Variants in ACLY observed in about 807,000 individuals in gnomAD.
ACLY encodes the protein ATP-citrate synthase.
Under a neutral mutation model 133.0 loss-of-function variants are expected in ACLY, and 41 were observed. The ratio of observed to expected loss-of-function variants is 0.31; its 90% CI spans 0.24 to 0.40. The LOEUF is 0.40. Ranked by LOEUF, ACLY falls within the 10% of genes least tolerant of loss-of-function variation. The pLI is 1.00. For synonymous variants in ACLY, 495 were observed against 549.3 expected, an observed-to-expected ratio of 0.90 and a Z score of 1.38; for missense variants, 1,046 against 1,453.8, an observed-to-expected ratio of 0.72 and a Z score of 4.56.
At chr17:41,876,412 G>GTA (rs1321377494) in intron 22 of ACLY, among the ~76,000 whole-genome samples, 4 of 152,256 alleles carry the variant, frequency 2.6e-5, no homozygotes, top group Non-Finnish European at 4.4e-5. Context: ...TCTGGGAGGT[G>GTA]TACCCAACAG....
chr17:41,892,130 A>G, intron 16 of ACLY, 149 bp downstream of exon 16: 1 of 749,998 alleles, frequency 1.3e-6, no homozygotes, highest in East Asian at 3.0e-5. Context: ...CTACTCCCAA[A>G]TCCCCAGCCC....
At chr17:41,878,619 A>C (rs2048823848) in intron 21 of ACLY, among the ~76,000 whole-genome samples, 178 bp downstream of exon 21, 1 of 152,158 alleles carries the variant, frequency 6.6e-6, no homozygotes, top group Admixed American at 6.5e-5. Context: ...CTGCCTCCAC[A>C]AACTAAATAA....
intron 18 of ACLY, 34 bp from the exon 19 acceptor site, chr17:41,884,308 C>G: frequency 7.1e-7 from 1 of 1,403,034 alleles, no homozygotes; most frequent in South Asian, 1.2e-5. Context: ...GATACAGGAT[C>G]AGGAGGAGGC....
At chr17:41,872,408 C>T (rs1298707326) in intron 23 of ACLY, among the ~76,000 whole-genome samples, 2 of 152,184 alleles carry the variant, frequency 1.3e-5, no homozygotes, top group Non-Finnish European at 2.9e-5. Context: ...TCACTGCAAC[C>T]TCCACCTCCT....
chr17:41,921,991 T>A (rs1225103009), upstream of ACLY, among the ~76,000 whole-genome samples: 2 of 150,770 alleles, frequency 1.3e-5, no homozygotes, highest in African/African-American at 4.9e-5. Context: ...AGGCCAGGAG[T>A]TCGAGACCAG....
chr17:41,907,423 C>T lies in ACLY; in HGVS notation c.747+19G>A. On this transcript the variant is annotated intron_variant, in intron 7 of 28. Coordinates refer to ENST00000352035, the MANE Select transcript of ACLY (RefSeq NM_001096.3). ...CCGCCCTCCCCCCAGTCCCCATCTC[C>T]TCTCTAAACCAGCCTTACCTCTGGA... 6.2e-7 allele frequency: 1 copy of T among 1,609,720 alleles called. No homozygotes were observed.
upstream of ACLY, among the ~76,000 whole-genome samples, chr17:41,920,586 A>G (rs2050165854): frequency 1.1e-5 from 1 of 92,668 alleles, no homozygotes; most frequent in South Asian, 4.8e-4. Flanking sequence ...GAAGGATTCT[A>G]TCTCAAAAAA....
rs2048608797 is a variant in ACLY, at chr17:41,871,953, A to G, written c.2793+79T>C. On this transcript the variant is annotated intron_variant, in intron 24 of 28. Coordinates refer to ENST00000352035, the MANE Select transcript of ACLY (RefSeq NM_001096.3). ...GGTTTTACACTCAGGGGCTCCTTCT[A>G]GGGCCCTGCTGTGGCAAAGCAGCAT... The G allele has an allele frequency of 3.1e-6, 5 of 1,597,440 alleles. No individual in the cohort carries two copies. The South Asian group carries it at 5.6e-5, about 18-fold the overall frequency.
At chr17:41,879,188 C>A (rs1555626737) in intron 20 of ACLY, among the ~76,000 whole-genome samples, 1 of 152,132 alleles carries the variant, frequency 6.6e-6, no homozygotes, top group Non-Finnish European at 1.5e-5. Flanking sequence ...AATCACCTTC[C>A]TCTGCCTCCT....
At chr17:41,903,755 CAAAAAAAAAAAAA>C (rs10615655) in intron 10 of ACLY, among the ~76,000 whole-genome samples, 10 of 48,692 alleles carry the variant, frequency 2.1e-4, no homozygotes, top group South Asian at 1.4e-3. Flanking sequence ...GACTCTGTCT[CAAAAAAAAAAAAA>C]AAAAAAAAAA....
At position 41,898,794 on chromosome 17, in the gene ACLY, G is replaced by A. The variant is rs781849228; in HGVS notation, c.1184-9C>T. 3.7e-6 allele frequency: 6 copies of A among 1,605,792 alleles called. No individual in the cohort carries two copies. The Admixed American group carries it at 7.0e-5, about 19-fold the overall frequency. ...GATCCCAGTGGTCTTCCCTGCAAGGGAAGGAAAAAAAAATCCATAATTCAA... is the reference window on the plus strand; with the variant it reads ...GATCCCAGTGGTCTTCCCTGCAAGGAAAGGAAAAAAAAATCCATAATTCAA... On this transcript the variant is annotated splice_polypyrimidine_tract_variant and intron_variant, in intron 11 of 28. Transcript: ENST00000352035.
chr17:41,895,517 T>C (rs2049341484), intron 14 of ACLY, among the ~76,000 whole-genome samples: 1 of 152,194 alleles, frequency 6.6e-6, no homozygotes, highest in Non-Finnish European at 1.5e-5. Context: ...AGGCCTCCTC[T>C]GGCCTCGCTG....
In ACLY at chr17:41,867,823, T is replaced by C; in HGVS notation, c.3293A>G (p.His1098Arg). Residue 1098 changes from histidine (H) to arginine (R), a missense_variant, in exon 29 of 29, where the codon CAC (histidine) becomes CGC (arginine). His to Arg is a conservative substitution (Grantham distance 29). This residue lies in a region of ACLY where 205 missense variants were observed against 373.3 expected (regional missense o/e 0.55). Transcript: ENST00000352035. ...TTCCTGGCTCTGTTACATGCTCATG[T>C]GTTCCGGAAGAACATATGAAATATC... Reference protein sequence around the residue: ...WDDISYVLPEHMSM With the variant: ...WDDISYVLPERMSM The C allele has an allele frequency of 6.2e-7, 1 of 1,611,314 alleles. No homozygotes were observed. Among genetic ancestry groups the C allele is most frequent in the East Asian group, 2.2e-5 (1 of 44,624 alleles).
intron 10 of ACLY, 62 bp from the exon 11 acceptor site, chr17:41,901,875 C>T (rs1555631696): frequency 9.1e-6 from 12 of 1,312,558 alleles, no homozygotes; most frequent in East Asian, 2.4e-5. Context: ...GATTTATAAC[C>T]GTGATAAACA....
chr17:41,873,969 G>A lies in ACLY; in HGVS notation c.2488-4C>T, dbSNP rs1271558594. Reference sequence around the variant, plus strand: ...GTTTGCGGATCAAACCAAGCTCCTGGGCAGAGATGGGGAAGAGGGAAGCAG... The same window carrying A: ...GTTTGCGGATCAAACCAAGCTCCTGAGCAGAGATGGGGAAGAGGGAAGCAG... On this transcript the variant is annotated splice_region_variant and splice_polypyrimidine_tract_variant and intron_variant, in intron 22 of 28. Coordinates refer to ENST00000352035, the MANE Select transcript of ACLY (RefSeq NM_001096.3). 1 of 1,590,164 alleles carries A rather than the reference G, an allele frequency of 6.3e-7. No individual in the cohort carries two copies. Among genetic ancestry groups the A allele is most frequent in the South Asian group, 1.1e-5 (1 of 89,460 alleles).
rs782163740 is a variant in ACLY, at chr17:41,901,675, G to A, written c.1183+21C>T. 5 of 1,598,908 alleles carry A rather than the reference G, an allele frequency of 3.1e-6. No individual in the cohort carries two copies. In the Admixed American group the frequency reaches 8.4e-5, roughly 27 times the overall value. On this transcript the variant is annotated intron_variant, in intron 11 of 28. Coordinates refer to ENST00000352035, the MANE Select transcript of ACLY (RefSeq NM_001096.3). Reference sequence around the variant, plus strand: ...CCACCCACACTCAGGGTGAGGGGGAGAGAAAAGGTCCTCATCTTACCGACT... The same window carrying A: ...CCACCCACACTCAGGGTGAGGGGGAAAGAAAAGGTCCTCATCTTACCGACT...
At chr17:41,918,985 C>G, upstream of ACLY, 1 of 1,287,284 alleles carries the variant, frequency 7.8e-7, no homozygotes, top group South Asian at 1.2e-5. Flanking sequence ...GCTTTTGTCC[C>G]GGCCCAGCCG....
intron 8 of ACLY, 79 bp downstream of exon 8, chr17:41,906,448 GA>G (rs2049720985): frequency 2.4e-6 from 3 of 1,274,750 alleles, no homozygotes; most frequent in Admixed American, 1.8e-5. Context: ...AAAGTGACAG[GA>G]CCCCACCCAC....
At chr17:41,891,473 AC>A (rs2049210059) in intron 16 of ACLY, among the ~76,000 whole-genome samples, 1 of 151,642 alleles carries the variant, frequency 6.6e-6, no homozygotes, top group African/African-American at 2.4e-5. Flanking sequence ...TGTGATCACA[AC>A]TCACTGTAGC....
Sources: allele counts gnomAD v4.1 joint callset (sites outside exome capture counted in the v4.1 genomes callset), GRCh38; gene constraint gnomAD v4.1.1; regional missense constraint gnomAD v4.1.1; transcripts MANE v1.5; gene names NCBI Gene and HGNC (gene_info 2026-07-23, HGNC 2026-07-21).